The following ZNF521 variants were observed in gnomAD, a reference collection of about 807,000 sequenced individuals.
The protein encoded by ZNF521 is LYST-interacting protein 3.
Under a neutral mutation model 105.5 loss-of-function variants are expected in ZNF521, and 14 were observed. That is an observed-to-expected ratio of 0.13 (90% CI 0.09 to 0.21). The LOEUF (loss-of-function observed/expected upper bound fraction) is 0.21, where lower values mean the gene tolerates loss of function less well. ZNF521 is among the 10% of genes least tolerant of loss of function. ZNF521 has a pLI of 1.00. For synonymous variants in ZNF521, 635 were observed against 606.0 expected (o/e 1.05, Z -0.70); for missense variants, 1,233 against 1,629.7 (o/e 0.76, Z 4.19).
intron 5 of ZNF521, among the ~76,000 whole-genome samples, chr18:25,110,294 C>T (rs1193924897): frequency 6.6e-6 from 1 of 152,184 alleles, no homozygotes; most frequent in Non-Finnish European, 1.5e-5. Flanking sequence ...ATGCTATCAG[C>T]GGGACTGAGG....
At chr18:25,138,130 C>A (rs1013809001) in intron 5 of ZNF521, among the ~76,000 whole-genome samples, 2 of 152,096 alleles carry the variant, frequency 1.3e-5, no homozygotes, top group African/African-American at 4.8e-5. Flanking sequence ...CAAGCCCAAC[C>A]TTGCCCACAT....
intron 2 of ZNF521, among the ~76,000 whole-genome samples, chr18:25,328,699 C>G (rs1310392954): frequency 1.3e-5 from 2 of 151,812 alleles, no homozygotes; most frequent in Non-Finnish European, 2.9e-5. Flanking sequence ...ATTACAGGCA[C>G]GTGCCACCAT....
At chr18:25,070,360 G>C (rs1166472029) in intron 7 of ZNF521, among the ~76,000 whole-genome samples, 2 of 152,168 alleles carry the variant, frequency 1.3e-5, no homozygotes, top group Non-Finnish European at 2.9e-5. Context: ...AGATAATCCT[G>C]AAGGATGAGG....
intron 2 of ZNF521, among the ~76,000 whole-genome samples, chr18:25,334,559 G>A (rs1370892695): frequency 1.3e-5 from 2 of 152,094 alleles, no homozygotes; most frequent in East Asian, 3.9e-4. Flanking sequence ...CGTTAAACAG[G>A]TGCCCACACA....
chr18:25,070,389 G>T (rs951359775), intron 7 of ZNF521, among the ~76,000 whole-genome samples: 1 of 152,156 alleles, frequency 6.6e-6, no homozygotes, highest in Non-Finnish European at 1.5e-5. Flanking sequence ...ATGTTGATGA[G>T]TTTATGTTCC....
intron 2 of ZNF521, among the ~76,000 whole-genome samples, chr18:25,323,490 G>T (rs1913045288): frequency 6.6e-6 from 1 of 151,922 alleles, no homozygotes; most frequent in South Asian, 2.1e-4. Flanking sequence ...AAGTGCAGTG[G>T]CTATTCATAG....
chr18:25,089,444 T>C, intron 7 of ZNF521, 21 bp downstream of exon 7: 1 of 1,573,810 alleles, frequency 6.4e-7, no homozygotes. Context: ...TCAATCCCAG[T>C]CCTCCCCATG....
At chr18:25,111,955 C>A (rs1008242577) in intron 5 of ZNF521, among the ~76,000 whole-genome samples, 1 of 152,164 alleles carries the variant, frequency 6.6e-6, no homozygotes, top group Non-Finnish European at 1.5e-5. Context: ...TGCCCACAGC[C>A]GCAGATCACT....
At chr18:25,297,327 T>G (rs1911379457) in intron 3 of ZNF521, among the ~76,000 whole-genome samples, 1 of 152,118 alleles carries the variant, frequency 6.6e-6, no homozygotes, top group South Asian at 2.1e-4. Context: ...ACAGAGATGT[T>G]CTAGTAAGTA....
rs537023408 is a variant in ZNF521, at chr18:25,070,779, C to T, written c.3907-8038G>A. On this transcript the variant is annotated intron_variant, in intron 7 of 7. Transcript: ENST00000361524. ...ATCTCTTGGTGGGAAGCATCTCTCC[C>T]ACCAGGGAGATATTGAGGAACACTG... 4.6e-5 allele frequency among the ~76,000 whole-genome samples: 7 copies of T among 152,192 alleles called. No individual in the cohort carries two copies. The East Asian group carries it at 1.4e-3, about 30-fold the overall frequency.
At chr18:25,106,284 T>C (rs1044663098) in intron 5 of ZNF521, among the ~76,000 whole-genome samples, 2 of 152,114 alleles carry the variant, frequency 1.3e-5, no homozygotes, top group African/African-American at 2.4e-5. Flanking sequence ...GAGTTTCACA[T>C]ATACTGCTAA....
intron 5 of ZNF521, among the ~76,000 whole-genome samples, chr18:25,135,549 G>A (rs543886384): frequency 6.6e-6 from 1 of 152,226 alleles, no homozygotes; most frequent in East Asian, 1.9e-4. Flanking sequence ...TTAAAGATAT[G>A]ATTTTGCTCA....
At chr18:25,243,643 G>A (rs1040026218) in intron 3 of ZNF521, among the ~76,000 whole-genome samples, 1 of 152,248 alleles carries the variant, frequency 6.6e-6, no homozygotes. Context: ...TCAGAAGATT[G>A]CTTAGATCAT....
chr18:25,175,310 A>C (rs1567994973), intron 5 of ZNF521, among the ~76,000 whole-genome samples: 1 of 152,218 alleles, frequency 6.6e-6, no homozygotes, highest in Non-Finnish European at 1.5e-5. Context: ...AGTAATAAGA[A>C]ATCAGAAAAT....
intron 4 of ZNF521, among the ~76,000 whole-genome samples, chr18:25,208,808 T>A (rs1309518272): frequency 6.6e-6 from 1 of 152,210 alleles, no homozygotes; most frequent in Non-Finnish European, 1.5e-5. Context: ...GCCTCCTGAG[T>A]AGCTGAACTG....
intron 5 of ZNF521, among the ~76,000 whole-genome samples, chr18:25,166,292 T>C (rs370440736): frequency 1.3e-5 from 2 of 152,162 alleles, no homozygotes; most frequent in Non-Finnish European, 2.9e-5. Context: ...GTAGCTCAAG[T>C]GGGAAGCATA....
intron 7 of ZNF521, among the ~76,000 whole-genome samples, chr18:25,066,335 T>C (rs982110764): frequency 5.9e-5 from 9 of 152,200 alleles, no homozygotes; most frequent in Admixed American, 5.9e-4. Context: ...GGCTTGCCTT[T>C]GCCACCTTTG....
At chr18:25,150,885 T>A (rs1196129073) in intron 5 of ZNF521, among the ~76,000 whole-genome samples, 1 of 135,972 alleles carries the variant, frequency 7.4e-6, no homozygotes, top group Non-Finnish European at 1.6e-5. Context: ...TTTTTTTTTC[T>A]TTTTTCTTTT....
chr18:25,124,206 T>TACCC (rs2034496553), intron 5 of ZNF521, among the ~76,000 whole-genome samples: 1 of 152,188 alleles, frequency 6.6e-6, no homozygotes, highest in African/African-American at 2.4e-5. Flanking sequence ...GGTAAGTTTT[T>TACCC]CTTCTGTTCC....
Sources: gnomAD v4.1 joint callset for allele counts (sites outside exome capture counted in the v4.1 genomes callset) on GRCh38, gnomAD v4.1.1 for gene constraint, MANE v1.5 for transcripts, NCBI Gene and HGNC (gene_info 2026-07-23, HGNC 2026-07-21) for gene names.